Variants in PTPRD observed in about 807,000 individuals in gnomAD.
PTPRD encodes the protein protein tyrosine phosphatase receptor type D.
A neutral mutation model predicts 214.5 loss-of-function variants in PTPRD; 34 were observed. The ratio of observed to expected loss-of-function variants is 0.16; its 90% confidence interval spans 0.12 to 0.21. The LOEUF (loss-of-function observed/expected upper bound fraction) is 0.21, where lower values mean the gene tolerates loss of function less well. Ranked by LOEUF, PTPRD falls within the 10% of genes least tolerant of loss-of-function variation. The pLI is 1.00. For missense variants in PTPRD, 2,545 were observed against 2,398.7 expected (o/e 1.06, Z -1.27); for synonymous variants, 1,128 against 845.7 (o/e 1.33, Z -5.79).
chr9:9,078,317 T>C (rs1169314646), intron 10 of PTPRD, among the ~76,000 whole-genome samples: 2 of 152,140 alleles, frequency 1.3e-5, no homozygotes, highest in Admixed American at 1.3e-4. Flanking sequence ...TGAAAAATCA[T>C]GGCCCATCCT....
chr9:9,935,025 A>C (rs1415224129), intron 5 of PTPRD, among the ~76,000 whole-genome samples: 1 of 152,212 alleles, frequency 6.6e-6, no homozygotes, highest in Non-Finnish European at 1.5e-5. Flanking sequence ...AAAATTCAAC[A>C]ACCATTCATG....
intron 2 of PTPRD, among the ~76,000 whole-genome samples, chr9:10,499,484 A>C (rs985704691): frequency 1.3e-5 from 2 of 151,980 alleles, no homozygotes; most frequent in Non-Finnish European, 2.9e-5. Context: ...TTTTCCTGAA[A>C]AATGTCTACA....
intron 8 of PTPRD, among the ~76,000 whole-genome samples, chr9:9,432,625 T>G (rs531062360): frequency 6.6e-6 from 1 of 152,348 alleles, no homozygotes; most frequent in Non-Finnish European, 1.5e-5. Flanking sequence ...TGCAGACCCA[T>G]GCCTCTGCCT....
chr9:9,019,349 AAAGAAAGAAAG>A (rs1569430531), intron 10 of PTPRD, among the ~76,000 whole-genome samples: 2 of 109,352 alleles, frequency 1.8e-5, no homozygotes. Context: ...CGAAAGAAAG[AAAGAAAGAAAG>A]AATCTGAATT....
At chr9:10,276,997 T>G (rs906592650) in intron 3 of PTPRD, among the ~76,000 whole-genome samples, 2 of 152,158 alleles carry the variant, frequency 1.3e-5, no homozygotes, top group Non-Finnish European at 2.9e-5. Flanking sequence ...CCTCATGGCA[T>G]GTCCAAAGGC....
chr9:9,638,637 A>G (rs2095846213), intron 7 of PTPRD, among the ~76,000 whole-genome samples: 2 of 152,190 alleles, frequency 1.3e-5, no homozygotes, highest in Non-Finnish European at 2.9e-5. Flanking sequence ...AAACTCTTCC[A>G]GCCTCTATCC....
chr9:10,525,803 A>G (rs762341244), intron 2 of PTPRD, among the ~76,000 whole-genome samples: 13 of 151,178 alleles, frequency 8.6e-5, no homozygotes, highest in Non-Finnish European at 1.3e-4. Context: ...TCTGCCATTG[A>G]GTCATCACAG....
rs115568773 is a variant in PTPRD at position 8,755,976 on chromosome 9, C to A, written c.-103-22030G>T. Among the ~76,000 whole-genome samples, 585 of 152,278 alleles carry A rather than the reference C, an allele frequency of 3.8e-3. 5 individuals are homozygous for A. Among genetic ancestry groups the A allele is most frequent in the African/African-American group, 0.014 (565 of 41,536 alleles). ...ATGTGTTAAGACCCAAATAAATGGT[C>A]TGAATGATAAACATTAGTATGTGTG... is the stretch of plus-strand genomic sequence containing the variant. On this transcript the variant is annotated intron_variant, in intron 11 of 45. Coordinates refer to ENST00000381196, the MANE Select transcript of PTPRD (RefSeq NM_002839.4).
At chr9:10,345,885 TA>T (rs2097069297) in intron 2 of PTPRD, among the ~76,000 whole-genome samples, 1 of 152,170 alleles carries the variant, frequency 6.6e-6, no homozygotes, top group African/African-American at 2.4e-5. Context: ...ACCAACAGTG[TA>T]AAAGCATTCC....
chr9:8,639,611 G>C (rs2096529424), intron 12 of PTPRD, among the ~76,000 whole-genome samples: 2 of 152,168 alleles, frequency 1.3e-5, no homozygotes, highest in Admixed American at 1.3e-4. Context: ...CCTGCATCTG[G>C]ATATTTTTTA....
chr9:8,499,664 T>A lies in PTPRD; in HGVS notation c.2305A>T (p.Met769Leu), dbSNP rs1333470758. Reference sequence around the variant, plus strand: ...AGGCTTACCTGTGCATCAGCCAGCATGACATCTTTCAGCATGGGCTGGCCC... The same window carrying A: ...AGGCTTACCTGTGCATCAGCCAGCAAGACATCTTTCAGCATGGGCTGGCCC... Reference protein sequence around the residue: ...PKGQPMLKDVMLADAQWEFDD... With the variant: ...PKGQPMLKDVLLADAQWEFDD... The change falls in exon 25 of 46, where the codon ATG becomes TTG. Residue 769 changes from methionine (M) to leucine (L), a missense_variant. Transcript: ENST00000381196. 3.1e-6 allele frequency: 5 copies of A among 1,613,464 alleles called. No individual in the cohort carries two copies. The highest frequency in any genetic ancestry group is 1.7e-5 in the Admixed American group (1 of 59,906).
At chr9:10,518,772 TC>T (rs764112127) in intron 2 of PTPRD, among the ~76,000 whole-genome samples, 5 of 152,212 alleles carry the variant, frequency 3.3e-5, no homozygotes, top group East Asian at 3.9e-4. Context: ...GACCTCGTGA[TC>T]TGCCCGCCTT....
intron 8 of PTPRD, among the ~76,000 whole-genome samples, chr9:9,406,936 G>A (rs904858485): frequency 2.0e-5 from 3 of 151,178 alleles, no homozygotes; most frequent in Non-Finnish European, 4.4e-5. Context: ...TGGAGCTCTG[G>A]AGCTCAACAG....
In PTPRD at chr9:10,379,975, G is replaced by A. The variant is rs373931649; in HGVS notation, c.-599-38958C>T. ...TATTTTCTTTTTTATCTTTAGAGATGAGGTCTTACTCTGTTGCCCAGGCTA... is the reference window on the plus strand; with the variant it reads ...TATTTTCTTTTTTATCTTTAGAGATAAGGTCTTACTCTGTTGCCCAGGCTA... On this transcript the variant is annotated intron_variant, in intron 2 of 45. Coordinates refer to ENST00000381196, the MANE Select transcript of PTPRD (RefSeq NM_002839.4). Among the ~76,000 whole-genome samples, 40 of 152,022 alleles carry A rather than the reference G, an allele frequency of 2.6e-4. No individual in the cohort carries two copies. The East Asian group carries it at 7.4e-3, about 28-fold the overall frequency.
chr9:9,108,425 C>T (rs2099801651), intron 10 of PTPRD, among the ~76,000 whole-genome samples: 2 of 152,098 alleles, frequency 1.3e-5, no homozygotes, highest in African/African-American at 4.8e-5. Flanking sequence ...CAATGAAAAA[C>T]AATCCATGGT....
chr9:8,728,771 G>A (rs917513460), intron 12 of PTPRD, among the ~76,000 whole-genome samples: 4 of 152,028 alleles, frequency 2.6e-5, no homozygotes, highest in Admixed American at 6.6e-5. Context: ...TTTGAGGTTC[G>A]AAGTTCGAGA....
At chr9:8,807,135 G>A (rs1432360200) in intron 11 of PTPRD, among the ~76,000 whole-genome samples, 1 of 152,100 alleles carries the variant, frequency 6.6e-6, no homozygotes, top group Non-Finnish European at 1.5e-5. Flanking sequence ...TCAGGAGTTC[G>A]AGACCAGCCT....
At chr9:9,613,937 C>T (rs1373548758) in intron 7 of PTPRD, among the ~76,000 whole-genome samples, 3 of 152,162 alleles carry the variant, frequency 2.0e-5, no homozygotes, top group Non-Finnish European at 4.4e-5. Context: ...CTCTTCAAAT[C>T]CCAGCTGTTC....
At chr9:9,106,536 A>G (rs898931338) in intron 10 of PTPRD, among the ~76,000 whole-genome samples, 27 of 148,734 alleles carry the variant, frequency 1.8e-4, no homozygotes, top group African/African-American at 5.4e-4. Context: ...AAATACCACC[A>G]TACTACAGAG....
Sources: allele counts gnomAD v4.1 joint callset (sites outside exome capture counted in the v4.1 genomes callset), GRCh38; gene constraint gnomAD v4.1.1; transcripts MANE v1.5; gene names NCBI Gene and HGNC (gene_info 2026-07-23, HGNC 2026-07-21).